RIC3: variants seen among roughly 807,000 people sequenced by gnomAD.
RIC3 encodes protein RIC-3.
In RIC3, 28 loss-of-function variants were observed where a neutral mutation model predicts 27.3. The observed-to-expected ratio is 1.02, with a 90% CI of 0.76 to 1.41. RIC3 has a LOEUF of 1.41. RIC3 is among the 40% of genes most tolerant of loss of function. RIC3 has a pLI of 0.00. For missense variants in RIC3, 501 were observed against 444.7 expected (o/e 1.13, Z -1.14); for synonymous variants, 184 against 160.4 (o/e 1.15, Z -1.11).
the RIC3 span, chr11:8,095,386 A>T: frequency 1.7e-6 from 2 of 1,148,784 alleles, no homozygotes; most frequent in Admixed American, 2.7e-5. Flanking sequence ...TTGCAAATAA[A>T]GTTTTGCAGA....
intron 5 of RIC3, among the ~76,000 whole-genome samples, chr11:8,114,972 T>A (rs1019459742): frequency 1.3e-5 from 2 of 151,968 alleles, no homozygotes; most frequent in African/African-American, 4.8e-5. Context: ...GCTTATGGGA[T>A]TTATGGGAAC....
At chr11:8,134,781 G>A (rs552723602) in intron 4 of RIC3, among the ~76,000 whole-genome samples, 2 of 152,288 alleles carry the variant, frequency 1.3e-5, no homozygotes, top group East Asian at 3.9e-4. Flanking sequence ...TCTTTTGGCT[G>A]CATAAATGTC....
At chr11:8,130,273 G>A (rs1436486513) in intron 4 of RIC3, among the ~76,000 whole-genome samples, 10 of 152,310 alleles carry the variant, frequency 6.6e-5, no homozygotes, top group Middle Eastern at 3.4e-3. Flanking sequence ...TAGGACCCAA[G>A]TTGGGCCAAC....
chr11:8,155,012 A>G (rs1180907438), intron 1 of RIC3, among the ~76,000 whole-genome samples: 1 of 152,084 alleles, frequency 6.6e-6, no homozygotes, highest in Non-Finnish European at 1.5e-5. Context: ...TGAGCCCAGG[A>G]GTTCAAGACC....
chr11:8,125,576 AATTAAGGT>A (rs1455878562), intron 5 of RIC3, among the ~76,000 whole-genome samples: 1 of 152,364 alleles, frequency 6.6e-6, no homozygotes, highest in African/African-American at 2.4e-5. Context: ...TTAAAGTCAC[AATTAAGGT>A]ATCATTTTAC....
chr11:8,113,154 C>G (rs1266658365), intron 5 of RIC3, among the ~76,000 whole-genome samples: 1 of 152,206 alleles, frequency 6.6e-6, no homozygotes, highest in Non-Finnish European at 1.5e-5. Context: ...CCTCAGCCAC[C>G]ATGGTCAAGG....
chr11:8,094,151 G>A, the RIC3 span: 3 of 1,614,022 alleles, frequency 1.9e-6, no homozygotes, highest in Non-Finnish European at 2.5e-6. Flanking sequence ...GGGGGCCAGG[G>A]TGGCGCCGCT....
intron 1 of RIC3, among the ~76,000 whole-genome samples, chr11:8,167,699 G>T (rs11825426): frequency 0.064 from 9,570 of 148,708 alleles, 345 homozygotes; most frequent in South Asian, 0.11. Context: ...ATCATGAATT[G>T]ACTCTTCTTC....
chr11:8,147,310 C>T (rs758885288), intron 1 of RIC3, among the ~76,000 whole-genome samples: 2 of 152,140 alleles, frequency 1.3e-5, no homozygotes, highest in Non-Finnish European at 2.9e-5. Flanking sequence ...TTCTTGAGGC[C>T]GTGTCATGGG....
At chr11:8,162,627 TTC>T (rs1951275560) in intron 1 of RIC3, among the ~76,000 whole-genome samples, 1 of 136,190 alleles carries the variant, frequency 7.3e-6, no homozygotes, top group African/African-American at 2.8e-5. Flanking sequence ...TCCATGCTTC[TTC>T]TTTTTTTTTT....
At chr11:8,094,901 G>A in the RIC3 span, among the ~76,000 whole-genome samples, 2 of 152,236 alleles carry the variant, frequency 1.3e-5, no homozygotes, top group Admixed American at 6.5e-5. Flanking sequence ...AGGCGGGCAG[G>A]GTGGCTGCCA....
At chr11:8,146,730 C>T (rs1471761814) in intron 1 of RIC3, among the ~76,000 whole-genome samples, 2 of 134,540 alleles carry the variant, frequency 1.5e-5, no homozygotes, top group African/African-American at 2.7e-5. Flanking sequence ...AAAGGCGGGG[C>T]GGGGTGGCAG....
chr11:8,140,748 T>C (rs943569638), intron 1 of RIC3, among the ~76,000 whole-genome samples: 1 of 152,158 alleles, frequency 6.6e-6, no homozygotes, highest in African/African-American at 2.4e-5. Flanking sequence ...GTTAGGGTCA[T>C]TATACACTGT....
intron 1 of RIC3, among the ~76,000 whole-genome samples, chr11:8,141,239 A>G (rs1425537731): frequency 6.6e-6 from 1 of 152,132 alleles, no homozygotes; most frequent in Non-Finnish European, 1.5e-5. Flanking sequence ...AGACTGGCAA[A>G]TTGGATAAAG....
the RIC3 span, among the ~76,000 whole-genome samples, chr11:8,095,013 T>A: frequency 6.6e-6 from 1 of 152,230 alleles, no homozygotes; most frequent in Non-Finnish European, 1.5e-5. Context: ...GGCGAGTGTA[T>A]GCCAATTGCA....
chr11:8,100,533 C>A, the RIC3 span: 1 of 1,614,090 alleles, frequency 6.2e-7, no homozygotes, highest in Non-Finnish European at 8.5e-7. Context: ...CAAGGGGCCT[C>A]GGAAGATGAG....
At chr11:8,142,398 C>T (rs1466613586) in intron 1 of RIC3, among the ~76,000 whole-genome samples, 1 of 151,494 alleles carries the variant, frequency 6.6e-6, no homozygotes, top group Non-Finnish European at 1.5e-5. Context: ...ACTACAAACA[C>T]CTCTACGCAA....
chr11:8,132,810 C>T (rs941635004), intron 4 of RIC3, among the ~76,000 whole-genome samples: 2 of 152,214 alleles, frequency 1.3e-5, no homozygotes, highest in East Asian at 3.9e-4. Context: ...AGATGTGATA[C>T]AATTTTGATC....
At chr11:8,143,722 G>T (rs1214949274) in intron 1 of RIC3, among the ~76,000 whole-genome samples, 1 of 151,742 alleles carries the variant, frequency 6.6e-6, no homozygotes, top group Non-Finnish European at 1.5e-5. Flanking sequence ...CATCGCCAAG[G>T]CAATCCTAAG....
Sources: gnomAD v4.1 joint callset for allele counts (sites outside exome capture counted in the v4.1 genomes callset) on GRCh38, gnomAD v4.1.1 for gene constraint, MANE v1.5 for transcripts, NCBI Gene and HGNC (gene_info 2026-07-23, HGNC 2026-07-21) for gene names.